Variants in LAMA1 observed in about 807,000 individuals in gnomAD.
LAMA1 encodes the protein laminin subunit alpha 1.
In LAMA1, 219 loss-of-function variants were observed where a neutral mutation model predicts 348.7. That is an observed-to-expected ratio of 0.63 (90% CI 0.56 to 0.70). The LOEUF is 0.70. LAMA1 is among the 30% of genes least tolerant of loss of function. The pLI, the probability that LAMA1 is intolerant of heterozygous loss-of-function variation, is 0.00. For missense variants in LAMA1, 3,744 were observed against 3,888.0 expected (o/e 0.96, Z 0.99); for synonymous variants, 1,487 against 1,491.0 (o/e 1.00, Z 0.06).
At chr18:7,085,286 A>C (rs2058210125) in intron 1 of LAMA1, among the ~76,000 whole-genome samples, 1 of 152,164 alleles carries the variant, frequency 6.6e-6, no homozygotes, top group South Asian at 2.1e-4. Context: ...TCCATGGAGA[A>C]ATTTGGAAAA....
Position 6,961,996 on chromosome 18 carries a change from G to A in LAMA1, c.7401C>T (p.Thr2467=). ...CATAGGAATTTCTGAGTAAGTCAAA[G>A]GTTGATCTGGATATTTCCAGGTTCT... ...CIKNLEISRS[T]FDLLRNSYGV... Residue 2467 remains threonine, a synonymous_variant, in exon 52 of 63, where the codon ACC becomes ACT. Coordinates refer to ENST00000389658, the MANE Select transcript of LAMA1 (RefSeq NM_005559.4). 1 of 1,614,218 alleles carries A rather than the reference G, an allele frequency of 6.2e-7. No individual in the cohort carries two copies. The highest frequency in any genetic ancestry group is 1.1e-5 in the South Asian group (1 of 91,090).
At position 7,043,384 on chromosome 18, in the gene LAMA1, G is replaced by T. The variant is rs2058028735; in HGVS notation, c.998C>A (p.Ala333Asp). 1.2e-6 allele frequency: 2 copies of T among 1,613,300 alleles called. No homozygotes were observed. The highest frequency in any genetic ancestry group is 1.7e-6 in the Non-Finnish European group (2 of 1,179,930). ...TCEACNCHNK[A>D]KDCYYDESVA... ...ACTTTCATCATAGTAACAGTCTTTG[G>T]CTTTATTGTGACAATTACATGCTAG... The change falls in exon 8 of 63, where the codon GCC (alanine) becomes GAC (aspartate). Residue 333 changes from alanine to aspartate, a missense_variant. Coordinates refer to ENST00000389658, the MANE Select transcript of LAMA1 (RefSeq NM_005559.4).
chr18:7,016,377 G>A, intron 21 of LAMA1, 114 bp downstream of exon 21: 3 of 1,143,220 alleles, frequency 2.6e-6, no homozygotes, highest in Non-Finnish European at 3.9e-6. Flanking sequence ...ATCCTCCAGG[G>A]AAAGAAGAGA....
At chr18:7,078,318 C>T (rs1474967340) in intron 3 of LAMA1, among the ~76,000 whole-genome samples, 1 of 151,290 alleles carries the variant, frequency 6.6e-6, no homozygotes, top group Non-Finnish European at 1.5e-5. Flanking sequence ...AGGCGCCTGC[C>T]ACCACGCCCA....
intron 3 of LAMA1, among the ~76,000 whole-genome samples, chr18:7,067,406 A>G (rs1009276428): frequency 2.0e-5 from 3 of 152,114 alleles, no homozygotes; most frequent in Non-Finnish European, 4.4e-5. Flanking sequence ...AGCCAGACAC[A>G]AAAAAGGACG....
chr18:7,083,192 C>CTT (rs1457187464), intron 1 of LAMA1, among the ~76,000 whole-genome samples: 2 of 102,434 alleles, frequency 2.0e-5, no homozygotes, highest in African/African-American at 3.7e-5. Context: ...TATATATATA[C>CTT]ATTTTTTTTT....
At chr18:6,979,848 A>T (rs112997580) in intron 42 of LAMA1, among the ~76,000 whole-genome samples, 30 of 152,202 alleles carry the variant, frequency 2.0e-4, no homozygotes, top group South Asian at 1.2e-3. Flanking sequence ...GCAGTGAGCC[A>T]AGATCGCGCC....
chr18:7,115,737 G>A (rs1406976903), intron 1 of LAMA1, among the ~76,000 whole-genome samples: 1 of 149,078 alleles, frequency 6.7e-6, no homozygotes, highest in Non-Finnish European at 1.5e-5. Flanking sequence ...TTGGGAGGCC[G>A]AGGTGGGCTG....
chr18:7,036,992 T>C (rs1253853241), intron 12 of LAMA1, among the ~76,000 whole-genome samples: 2 of 152,142 alleles, frequency 1.3e-5, no homozygotes, highest in African/African-American at 4.8e-5. Flanking sequence ...GAACACATCA[T>C]TGCAAGGAAG....
chr18:7,065,901 C>T (rs58625919), intron 3 of LAMA1, among the ~76,000 whole-genome samples: 7,052 of 152,228 alleles, frequency 0.046, 548 homozygotes, highest in African/African-American at 0.16. Flanking sequence ...CAGGCCAGAG[C>T]GAGTCAGTGC....
intron 1 of LAMA1, among the ~76,000 whole-genome samples, chr18:7,083,493 T>C (rs1271950789): frequency 1.3e-5 from 2 of 152,020 alleles, no homozygotes; most frequent in Admixed American, 1.3e-4. Context: ...GCCCTAAATA[T>C]ACTTTTAATA....
At chr18:7,038,693 T>C (rs541355138) in intron 11 of LAMA1, 117 bp downstream of exon 11, 6 of 1,351,028 alleles carry the variant, frequency 4.4e-6, no homozygotes, top group Admixed American at 1.7e-5. Context: ...TATCATTGCA[T>C]AGCGATGAGA....
intron 22 of LAMA1, among the ~76,000 whole-genome samples, chr18:7,014,691 T>C (rs556964975): frequency 4.7e-5 from 7 of 150,204 alleles, no homozygotes; most frequent in Non-Finnish European, 7.4e-5. Flanking sequence ...ACACAAACTA[T>C]ACCCAAATTT....
chr18:7,064,895 A>C (rs181054130), intron 3 of LAMA1, among the ~76,000 whole-genome samples: 25 of 152,312 alleles, frequency 1.6e-4, no homozygotes, highest in African/African-American at 5.3e-4. Flanking sequence ...GGTCTTAGAA[A>C]CTGTTGAACT....
At chr18:7,009,098 A>G in intron 27 of LAMA1, 141 bp downstream of exon 27, 1 of 888,236 alleles carries the variant, frequency 1.1e-6, no homozygotes, top group Non-Finnish European at 1.8e-6. Flanking sequence ...TAATGATATT[A>G]ATATTTAACA....
chr18:6,959,619 C>T lies in LAMA1; in HGVS notation c.7627-127G>A, dbSNP rs915251907. The T allele has an allele frequency of 4.3e-6, 4 of 930,094 alleles. No individual in the cohort carries two copies. In the Admixed American group the frequency reaches 8.0e-5, roughly 19 times the overall value. The allele number at this position is 930,094 out of a possible 1,614,324, so 57.6% of individuals were successfully genotyped here. Reference sequence around the variant, plus strand: ...GAGTAGAGCAATTCCTTAAGAATCTCTTCAGCTGTCACAATGTTACATTTT... The same window carrying T: ...GAGTAGAGCAATTCCTTAAGAATCTTTTCAGCTGTCACAATGTTACATTTT... On this transcript the variant is annotated intron_variant, in intron 53 of 62. Transcript: ENST00000389658.
rs765313522 is a variant in LAMA1, at chr18:6,956,651, C to A, written c.8079G>T (p.Glu2693Asp). Residue 2693 changes from glutamate to aspartate, a missense_variant, in exon 56 of 63, where the codon GAG becomes GAT. Glu to Asp is a conservative substitution (Grantham distance 45). This residue lies in a region of LAMA1 where 1,983 missense variants were observed against 1,934.3 expected (regional missense o/e 1.03). Transcript: ENST00000389658. ...PDAEDSKLLP[E>D]PRAFPEQCVV... ...CCGCTCCTACTGGAAAAGCCCGGGG[C>A]TCTGGCAAGAGCTTGCTGTCCTCTG... 1 of 1,614,164 alleles carries A rather than the reference C, an allele frequency of 6.2e-7. No homozygotes were observed. The highest frequency in any genetic ancestry group is 2.2e-5 in the East Asian group (1 of 44,874).
chr18:6,989,363 A>C (rs1018400219), intron 36 of LAMA1, among the ~76,000 whole-genome samples: 1 of 152,138 alleles, frequency 6.6e-6, no homozygotes, highest in African/African-American at 2.4e-5. Flanking sequence ...GAAACTCTGA[A>C]TGTGGTGTTA....
intron 18 of LAMA1, among the ~76,000 whole-genome samples, chr18:7,024,120 A>G (rs985318697): frequency 6.6e-6 from 1 of 152,052 alleles, no homozygotes; most frequent in Non-Finnish European, 1.5e-5. Flanking sequence ...CTGGCATTAC[A>G]TGTGTGGGCC....
Sources: gnomAD v4.1 joint callset for allele counts (sites outside exome capture counted in the v4.1 genomes callset) on GRCh38, gnomAD v4.1.1 for gene constraint, gnomAD v4.1.1 regional missense constraint, MANE v1.5 for transcripts, NCBI Gene and HGNC (gene_info 2026-07-23, HGNC 2026-07-21) for gene names.